Variants in PHLPP2 observed in about 807,000 individuals in gnomAD.
PHLPP2 encodes the protein PH domain leucine-rich repeat-containing protein phosphatase 2.
In PHLPP2, 66 loss-of-function variants were observed where a neutral mutation model predicts 124.9. The ratio of observed to expected loss-of-function variants is 0.53; its 90% CI spans 0.43 to 0.65. The LOEUF (loss-of-function observed/expected upper bound fraction) is 0.65, where lower values mean the gene tolerates loss of function less well. Among genes scored for constraint, PHLPP2 ranks in the 30% least tolerant of loss-of-function variants. The pLI is 0.00. For synonymous variants in PHLPP2, 681 were observed against 624.7 expected, an observed-to-expected ratio of 1.09 and a Z score of -1.34; for missense variants, 1,685 against 1,600.4, an observed-to-expected ratio of 1.05 and a Z score of -0.90.
At chr16:71,682,029 G>A in intron 5 of PHLPP2, 124 bp from the exon 6 acceptor site, 1 of 615,736 alleles carries the variant, frequency 1.6e-6, no homozygotes, top group Non-Finnish European at 2.6e-6. Flanking sequence ...AAGGCAATAA[G>A]ATCCAATTAT....
intron 11 of PHLPP2, among the ~76,000 whole-genome samples, 165 bp downstream of exon 11, chr16:71,669,110 C>T (rs907551112): frequency 7.9e-5 from 12 of 152,342 alleles, no homozygotes; most frequent in African/African-American, 2.2e-4. Flanking sequence ...CAAGCCCATG[C>T]TTTAGCCTTT....
intron 3 of PHLPP2, among the ~76,000 whole-genome samples, chr16:71,701,999 A>T (rs971122768): frequency 6.6e-6 from 1 of 152,170 alleles, no homozygotes; most frequent in Non-Finnish European, 1.5e-5. Context: ...CCCAGTGGAT[A>T]AGGGGGGACT....
Position 71,655,418 on chromosome 16 carries a change from G to C in PHLPP2, c.2407C>G (p.Leu803Val). 1 of 1,613,286 alleles carries C rather than the reference G, an allele frequency of 6.2e-7. No homozygotes were observed. ...CCCTCTGCAAAGCTATCCATAGCAAGTGCTGAGACACACAGCCTATAATAG... is the reference window on the plus strand; with the variant it reads ...CCCTCTGCAAAGCTATCCATAGCAACTGCTGAGACACACAGCCTATAATAG... ...GQRNKLCVSA[L>V]AMDSFAEGVG... The change falls in exon 17 of 19, where the codon CTT becomes GTT. Residue 803 changes from leucine to valine, a missense_variant. Leu to Val is a conservative substitution (Grantham distance 32, BLOSUM62 1). Transcript: ENST00000568954.
intron 9 of PHLPP2, among the ~76,000 whole-genome samples, chr16:71,674,848 T>C (rs1009386895): frequency 2.0e-5 from 3 of 151,942 alleles, no homozygotes; most frequent in African/African-American, 7.3e-5. Context: ...AATACAAAAA[T>C]TAGATGGGCA....
chr16:71,714,851 T>G, intron 1 of PHLPP2, 50 bp from the exon 2 acceptor site: 1 of 1,567,890 alleles, frequency 6.4e-7, no homozygotes, highest in East Asian at 2.2e-5. Flanking sequence ...TCTGACTGAA[T>G]TAGACATTTC....
chr16:71,684,464 A>G lies in PHLPP2; in HGVS notation c.735+12T>C. The G allele has an allele frequency of 6.2e-7, 1 of 1,613,590 alleles. No individual in the cohort carries two copies. Among genetic ancestry groups the G allele is most frequent in the South Asian group, 1.1e-5 (1 of 91,078 alleles). ...TCTTATCTCCACATCAGAACATCCCATTACTTTTCACCTTGGATGCTTGCC... is the reference window on the plus strand; with the variant it reads ...TCTTATCTCCACATCAGAACATCCCGTTACTTTTCACCTTGGATGCTTGCC... On this transcript the variant is annotated intron_variant, in intron 5 of 18. Coordinates refer to ENST00000568954, the MANE Select transcript of PHLPP2 (RefSeq NM_015020.3).
chr16:71,699,703 C>G (rs1489199916), intron 3 of PHLPP2, among the ~76,000 whole-genome samples: 1 of 152,212 alleles, frequency 6.6e-6, no homozygotes, highest in African/African-American at 2.4e-5. Context: ...AGCCGCCCTA[C>G]GCAACAAGGC....
intron 10 of PHLPP2, among the ~76,000 whole-genome samples, chr16:71,671,097 T>A (rs2044888805): frequency 6.6e-6 from 1 of 152,134 alleles, no homozygotes. Context: ...TCTACTTGGA[T>A]GTGATTTTCT....
At chr16:71,690,768 G>A in intron 3 of PHLPP2, 59 bp from the exon 4 acceptor site, 10 of 1,191,974 alleles carry the variant, frequency 8.4e-6, no homozygotes, top group South Asian at 1.4e-5. Flanking sequence ...ATACAGAAAT[G>A]GAAAAAGAAA....
chr16:71,669,272 T>C lies in PHLPP2; in HGVS notation c.1628+3A>G, dbSNP rs532198868. On this transcript the variant is annotated splice_donor_region_variant and intron_variant, in intron 11 of 18. Transcript: ENST00000568954. The stretch of plus-strand genomic sequence containing the variant: ...CATAATATATGCATCCAGGCACACA[T>C]ACCTCACGGGAACCTCTGTGAGAAG... The C allele has an allele frequency of 2.5e-6, 4 of 1,589,016 alleles. No individual in the cohort carries two copies. Among genetic ancestry groups the C allele is most frequent in the Admixed American group, 3.3e-5 (2 of 59,924 alleles).
At chr16:71,711,616 G>A (rs757731297) in intron 2 of PHLPP2, among the ~76,000 whole-genome samples, 4 of 152,264 alleles carry the variant, frequency 2.6e-5, no homozygotes, top group East Asian at 1.9e-4. Context: ...TGGGGACAGC[G>A]TCTACCTCAC....
At chr16:71,655,604 G>T (rs2044735677) in intron 16 of PHLPP2, among the ~76,000 whole-genome samples, 170 bp from the exon 17 acceptor site, 1 of 149,534 alleles carries the variant, frequency 6.7e-6, no homozygotes, top group African/African-American at 2.5e-5. Context: ...CCAGGTTCAC[G>T]CCATTCTCCT....
intron 10 of PHLPP2, 51 bp downstream of exon 10, chr16:71,672,211 G>C (rs1247036104): frequency 5.2e-6 from 7 of 1,351,556 alleles, no homozygotes; most frequent in Non-Finnish European, 7.4e-6. Flanking sequence ...AAATCCACAT[G>C]TATCTCTTAA....
At chr16:71,722,241 G>A (rs1303038278) in intron 1 of PHLPP2, among the ~76,000 whole-genome samples, 1 of 152,090 alleles carries the variant, frequency 6.6e-6, no homozygotes, top group Non-Finnish European at 1.5e-5. Context: ...AGACCAGCCT[G>A]GGAAACATAG....
chr16:71,682,394 G>A (rs1002867664), intron 5 of PHLPP2, among the ~76,000 whole-genome samples: 5 of 151,932 alleles, frequency 3.3e-5, no homozygotes, highest in Non-Finnish European at 7.4e-5. Context: ...TGTTGGCCAG[G>A]CTGGTTTCGA....
chr16:71,667,069 T>G (rs952579879), intron 12 of PHLPP2, 109 bp downstream of exon 12: 4 of 875,550 alleles, frequency 4.6e-6, no homozygotes, highest in Non-Finnish European at 5.2e-6. Flanking sequence ...GTTGGACTAT[T>G]AGGTAAACGC....
intron 1 of PHLPP2, chr16:71,723,717 C>T: frequency 1.1e-6 from 1 of 902,358 alleles, no homozygotes; most frequent in African/African-American, 1.8e-5. Context: ...CCTCCCTAGT[C>T]CGCTTGCCCG....
Position 71,658,647 on chromosome 16 carries a change from A to C in PHLPP2, c.2148+6T>G, listed in dbSNP as rs771568360. The C allele has an allele frequency of 5.0e-6, 8 of 1,613,218 alleles. No homozygotes were observed. The highest frequency in any genetic ancestry group is 6.8e-6 in the Non-Finnish European group (8 of 1,179,334). The stretch of plus-strand genomic sequence containing the variant: ...ATAAGGACATCATTCCAGCACACAG[A>C]AGTACCTGGATCTGAGGCAACTGCA... On this transcript the variant is annotated splice_donor_region_variant and intron_variant, in intron 14 of 18. Transcript: ENST00000568954.
rs533034898 is a variant in PHLPP2, at chr16:71,692,314, C to T, written c.419-1605G>A. On this transcript the variant is annotated intron_variant, in intron 3 of 18. Coordinates refer to ENST00000568954, the MANE Select transcript of PHLPP2 (RefSeq NM_015020.3). The stretch of plus-strand genomic sequence containing the variant: ...TCCATCTCCTGACCTCGTGATCCGC[C>T]TGCCTCGGCCTCCCAAAGTGCTGGG... 1.4e-4 allele frequency among the ~76,000 whole-genome samples: 22 copies of T among 152,266 alleles called. No individual in the cohort carries two copies. The South Asian group carries it at 3.9e-3, about 27-fold the overall frequency.
Sources: gnomAD v4.1 joint callset for allele counts (sites outside exome capture counted in the v4.1 genomes callset) on GRCh38, gnomAD v4.1.1 for gene constraint, MANE v1.5 for transcripts, NCBI Gene and HGNC (gene_info 2026-07-23, HGNC 2026-07-21) for gene names.